SH3BP2: variants seen among roughly 807,000 people sequenced by gnomAD.
SH3BP2 encodes the protein SH3 domain binding protein 2, also known as SH3 domain-binding protein 2.
Under a neutral mutation model 56.2 loss-of-function variants are expected in SH3BP2, and 38 were observed. The observed-to-expected ratio is 0.68, with a 90% CI of 0.52 to 0.89. The LOEUF is 0.89. SH3BP2 is among the 40% of genes least tolerant of loss of function. The pLI is 0.00. For synonymous variants in SH3BP2, 346 were observed against 316.7 expected, an observed-to-expected ratio of 1.09 and a Z score of -0.98; for missense variants, 748 against 762.6, an observed-to-expected ratio of 0.98 and a Z score of 0.23.
intron 10 of SH3BP2, 115 bp from the exon 11 acceptor site, chr4:2,832,216 C>T (rs929031985): frequency 3.7e-6 from 4 of 1,081,396 alleles, no homozygotes; most frequent in African/African-American, 1.5e-5. Flanking sequence ...GTGCTCAGCT[C>T]CTGAGACCTA....
chr4:2,796,352 C>T (rs1391244472), intron 1 of SH3BP2: 2 of 956,166 alleles, frequency 2.1e-6, no homozygotes, highest in Non-Finnish European at 2.5e-6. Flanking sequence ...TGCCCTCCCC[C>T]AACCTTCTCT....
Position 2,812,257 on chromosome 4 carries a change from G to C in SH3BP2, c.-4-8357G>C, listed in dbSNP as rs944683609. On this transcript the variant is annotated intron_variant, in intron 1 of 12. Coordinates refer to ENST00000503393, the MANE Select transcript of SH3BP2 (RefSeq NM_001122681.2). ...CAGGGAGCAGGGAACAGGAAGTCCC[G>C]GGTGGGGAGGAAGCACCGGCGGCCA... 5 of 1,535,920 alleles carry C rather than the reference G, an allele frequency of 3.3e-6. No individual in the cohort carries two copies. In the East Asian group the frequency reaches 1.2e-4, roughly 38 times the overall value.
rs926332786 is a variant in SH3BP2, at chr4:2,836,804, G to T, written c.*2970G>T. On this transcript the variant is annotated 3_prime_UTR_variant, in exon 13 of 13. Transcript: ENST00000503393. Reference sequence around the variant, plus strand: ...AGGAGGCCTAGGCCTTGCCCTAGGGGCAGTCCTGCTTCCTCATTTTATAGA... The same window carrying T: ...AGGAGGCCTAGGCCTTGCCCTAGGGTCAGTCCTGCTTCCTCATTTTATAGA... The T allele has an allele frequency of 6.6e-6, 1 of 152,394 alleles. No individual in the cohort carries two copies. The highest frequency in any genetic ancestry group is 1.5e-5 in the Non-Finnish European group (1 of 68,054). 9.4% of individuals were successfully genotyped at this position (152,394 alleles called of 1,614,324 possible). A position where few individuals can be genotyped will look rare whatever the true frequency, so the allele number is the denominator to read the frequency against.
Position 2,831,367 on chromosome 4 carries a change from G to A in SH3BP2, c.1242-204G>A, listed in dbSNP as rs1341082899. 2.6e-5 allele frequency among the ~76,000 whole-genome samples: 4 copies of A among 152,182 alleles called. No individual in the cohort carries two copies. Among genetic ancestry groups the A allele is most frequent in the Admixed American group, 6.5e-5 (1 of 15,286 alleles). ...CATGGCAGCCCTGACCCCTGACTCC[G>A]GTGTCGGGCGATTCCTGCTGTCCCA... On this transcript the variant is annotated intron_variant, in intron 8 of 12. Transcript: ENST00000503393. The surrounding 1 kb of genome is among the most constrained non-coding windows in gnomAD (Gnocchi z 4.1).
At chr4:2,801,855 C>T (rs532096799) in intron 1 of SH3BP2, among the ~76,000 whole-genome samples, 1 of 152,244 alleles carries the variant, frequency 6.6e-6, no homozygotes, top group Non-Finnish European at 1.5e-5. Context: ...TGCCTGTAAT[C>T]CCAGCACTTT....
chr4:2,816,069 T>G (rs181498012), intron 1 of SH3BP2, among the ~76,000 whole-genome samples: 2,248 of 152,318 alleles, frequency 0.015, 35 homozygotes, highest in South Asian at 0.03. Flanking sequence ...ATTTTTTTTT[T>G]TTGAGATGAA....
chr4:2,799,799 C>T (rs976208408), intron 1 of SH3BP2, among the ~76,000 whole-genome samples: 7 of 152,180 alleles, frequency 4.6e-5, no homozygotes, highest in Admixed American at 2.0e-4. Context: ...CGGATCCCCC[C>T]GGGGGGGCCT....
At chr4:2,812,160 G>C in intron 1 of SH3BP2, 1 of 1,428,718 alleles carries the variant, frequency 7.0e-7, no homozygotes. Context: ...ATGAGGGGCA[G>C]CCCTGGGCCC....
chr4:2,835,571 A>T lies in SH3BP2; in HGVS notation c.*1737A>T, dbSNP rs994714629. The T allele has an allele frequency of 1.3e-5, 2 of 152,160 alleles. No homozygotes were observed. The highest frequency in any genetic ancestry group is 4.8e-5 in the African/African-American group (2 of 41,408). 9.4% of individuals were successfully genotyped at this position (152,160 alleles called of 1,614,324 possible). A position where few individuals can be genotyped will look rare whatever the true frequency, so the allele number is the denominator to read the frequency against. ...CTGTCTGACCTGAACTTGCTTAGGG[A>T]GTCATGCCACTCCCCACTGTGGCCA... is the stretch of plus-strand genomic sequence containing the variant. On this transcript the variant is annotated 3_prime_UTR_variant, in exon 13 of 13. Coordinates refer to ENST00000503393, the MANE Select transcript of SH3BP2 (RefSeq NM_001122681.2).
rs1725250705 is a variant in SH3BP2 at position 2,836,857 on chromosome 4, C to A, written c.*3023C>A. The stretch of plus-strand genomic sequence containing the variant: ...GGGAAACTGAGGCTTTGGGAGGACT[C>A]ACTGACATACCTACCTTCAAGATGA... On this transcript the variant is annotated 3_prime_UTR_variant, in exon 13 of 13. Coordinates refer to ENST00000503393, the MANE Select transcript of SH3BP2 (RefSeq NM_001122681.2). The A allele has an allele frequency of 1.3e-5, 2 of 152,222 alleles. No homozygotes were observed. Among genetic ancestry groups the A allele is most frequent in the South Asian group, 4.1e-4 (2 of 4,836 alleles). The allele number at this position is 152,222 out of a possible 1,614,324, so 9.4% of individuals were successfully genotyped here.
rs1723706239 is a variant in SH3BP2, at chr4:2,810,561, C to T, written c.-4-10053C>T. 6.6e-6 allele frequency among the ~76,000 whole-genome samples: 1 copy of T among 152,000 alleles called. No individual in the cohort carries two copies. The highest frequency in any genetic ancestry group is 2.4e-5 in the African/African-American group (1 of 41,384). ...CCGGCTGCCTCTGGGTTCTTATCTTCATGGGTTGTCATCCCTGAAGCTGTG... is the reference window on the plus strand; with the variant it reads ...CCGGCTGCCTCTGGGTTCTTATCTTTATGGGTTGTCATCCCTGAAGCTGTG... On this transcript the variant is annotated intron_variant, in intron 1 of 12. Transcript: ENST00000503393. This position sits in a 1 kb window ranked among gnomAD's most constrained non-coding sequence, Gnocchi z 4.2.
chr4:2,831,528 C>G lies in SH3BP2; in HGVS notation c.1242-43C>G, dbSNP rs1724983644. The G allele has an allele frequency of 6.8e-7, 1 of 1,475,962 alleles. No homozygotes were observed. The highest frequency in any genetic ancestry group is 9.3e-7 in the Non-Finnish European group (1 of 1,077,960). 91.4% of individuals were successfully genotyped at this position (1,475,962 alleles called of 1,614,324 possible). On this transcript the variant is annotated intron_variant, in intron 8 of 12. Coordinates refer to ENST00000503393, the MANE Select transcript of SH3BP2 (RefSeq NM_001122681.2). The surrounding 1 kb of genome is among the most constrained non-coding windows in gnomAD (Gnocchi z 4.1). ...GGAGCAGAGGGTGGCCGCCCCGTGT[C>G]TGACAGTGAAATGGTCCTGCCTTCC...
rs188804825 is a variant in SH3BP2, at chr4:2,808,365, G to A, written c.-4-12249G>A. Among the ~76,000 whole-genome samples, 503 of 152,338 alleles carry A rather than the reference G, an allele frequency of 3.3e-3. 2 individuals carry two copies. The highest frequency in any genetic ancestry group is 3.4e-3 in the Non-Finnish European group (230 of 68,026). ...TTTAGGGCCCACTTGGTCAATCCAG[G>A]ATGTGCTGCTTAACTTAGTTACATC... On this transcript the variant is annotated intron_variant, in intron 1 of 12. Coordinates refer to ENST00000503393, the MANE Select transcript of SH3BP2 (RefSeq NM_001122681.2).
In SH3BP2 at chr4:2,831,621, C is replaced by T. The variant is rs754582989; in HGVS notation, c.1292C>T (p.Pro431Leu). 24 of 1,605,808 alleles carry T rather than the reference C, an allele frequency of 1.5e-5. No homozygotes were observed. The highest frequency in any genetic ancestry group is 1.5e-5 in the Non-Finnish European group (18 of 1,175,986). Residue 431 changes from proline (P) to leucine (L), a missense_variant, in exon 9 of 13, where the codon CCC becomes CTC. Coordinates refer to ENST00000503393, the MANE Select transcript of SH3BP2 (RefSeq NM_001122681.2). This position sits in a 1 kb window ranked among gnomAD's most constrained non-coding sequence, Gnocchi z 4.1. ...QSFRSFSFEK[P>L]RQPSQADTGG... Reference sequence around the variant, plus strand: ...TTCAGGAGCTTCTCCTTTGAAAAGCCCCGGCAACCCTCACAGGCTGACACT... The same window carrying T: ...TTCAGGAGCTTCTCCTTTGAAAAGCTCCGGCAACCCTCACAGGCTGACACT...
In SH3BP2 at chr4:2,831,611, T is replaced by G; in HGVS notation, c.1282T>G (p.Phe428Val). Residue 428 changes from phenylalanine (F) to valine (V), a missense_variant, in exon 9 of 13, where the codon TTT becomes GTT. This residue lies in a region of SH3BP2 where 635 missense variants were observed against 615.0 expected (regional missense o/e 1.03). Transcript: ENST00000503393. The surrounding 1 kb of genome is among the most constrained non-coding windows in gnomAD (Gnocchi z 4.1). Reference protein sequence around the residue: ...PDGQSFRSFSFEKPRQPSQAD... With the variant: ...PDGQSFRSFSVEKPRQPSQAD... The stretch of plus-strand genomic sequence containing the variant: ...TGGGCAGAGTTTCAGGAGCTTCTCC[T>G]TTGAAAAGCCCCGGCAACCCTCACA... 6.2e-7 allele frequency: 1 copy of G among 1,603,288 alleles called. No homozygotes were observed. Among genetic ancestry groups the G allele is most frequent in the Non-Finnish European group, 8.5e-7 (1 of 1,174,534 alleles).
intron 1 of SH3BP2, 62 bp from the exon 2 acceptor site, chr4:2,820,552 C>G (rs749840375): frequency 2.4e-4 from 387 of 1,607,534 alleles, no homozygotes; most frequent in Non-Finnish European, 3.2e-4. Context: ...CCCTGAGCGC[C>G]CTGGCTCAGC....
At chr4:2,801,985 G>A (rs1272915438) in intron 1 of SH3BP2, among the ~76,000 whole-genome samples, 1 of 152,106 alleles carries the variant, frequency 6.6e-6, no homozygotes, top group Non-Finnish European at 1.5e-5. Flanking sequence ...GCGCATGCTT[G>A]TAATCCCAGC....
At chr4:2,795,183 G>A (rs1209948079) in intron 1 of SH3BP2, among the ~76,000 whole-genome samples, 2 of 152,142 alleles carry the variant, frequency 1.3e-5, no homozygotes, top group East Asian at 1.9e-4. Context: ...CCTCAGGGCC[G>A]CTGTATGTCC....
chr4:2,825,554 G>A (rs1303274614), intron 5 of SH3BP2, among the ~76,000 whole-genome samples: 2 of 150,874 alleles, frequency 1.3e-5, no homozygotes, highest in East Asian at 1.9e-4. Context: ...ACAGCAACAC[G>A]CAGACATGCA....
Sources: allele counts gnomAD v4.1 joint callset (sites outside exome capture counted in the v4.1 genomes callset), GRCh38; gene constraint gnomAD v4.1.1; regional missense constraint gnomAD v4.1.1; non-coding constraint Gnocchi (gnomAD v3.1); transcripts MANE v1.5; gene names NCBI Gene and HGNC (gene_info 2026-07-23, HGNC 2026-07-21).